IMPDH2: variants seen among roughly 807,000 people sequenced by gnomAD.
The protein encoded by IMPDH2 is inosine monophosphate dehydrogenase 2.
IMPDH2 carries 33 observed loss-of-function variants against 57.8 expected under a neutral mutation model. The ratio of observed to expected loss-of-function variants is 0.57; its 90% confidence interval spans 0.43 to 0.76. IMPDH2 has a LOEUF of 0.76. Among genes scored for constraint, IMPDH2 ranks in the 30% least tolerant of loss-of-function variants. The pLI is 0.00. For synonymous variants in IMPDH2, 270 were observed against 241.3 expected, an observed-to-expected ratio of 1.12 and a Z score of -1.10; for missense variants, 446 against 659.1, an observed-to-expected ratio of 0.68 and a Z score of 3.54.
At position 49,027,920 on chromosome 3, in the gene IMPDH2, G is replaced by A. The variant is rs765864530; in HGVS notation, c.325-4C>T. 6.2e-7 allele frequency: 1 copy of A among 1,607,508 alleles called. No individual in the cohort carries two copies. The highest frequency in any genetic ancestry group is 1.1e-5 in the South Asian group (1 of 90,818). ...TGATGAATCCCTGTTCATATTTCTG[G>A]AAAGGGATGGTGAGAAAGGGCATCG... On this transcript the variant is annotated splice_region_variant and splice_polypyrimidine_tract_variant and intron_variant, in intron 4 of 13. Coordinates refer to ENST00000326739, the MANE Select transcript of IMPDH2 (RefSeq NM_000884.3).
In IMPDH2 at chr3:49,026,844, A is replaced by T; in HGVS notation, c.662T>A (p.Ile221Asn). The change falls in exon 7 of 14, where the codon ATC (isoleucine) becomes AAC (asparagine). Residue 221 changes from isoleucine to asparagine, a missense_variant. Ile to Asn is a moderately radical substitution (Grantham distance 149). Transcript: ENST00000326739. ...IVNEDDELVA[I>N]IARTDLKKNR... ...CTTCTTCAGGTCTGTCCGGGCAATGATGGCCACAAGCTCATCATCTTCATT... is the reference window on the plus strand; with the variant it reads ...CTTCTTCAGGTCTGTCCGGGCAATGTTGGCCACAAGCTCATCATCTTCATT... 6.2e-7 allele frequency: 1 copy of T among 1,614,212 alleles called. No individual in the cohort carries two copies.
chr3:49,028,323 C>G lies in IMPDH2; in HGVS notation c.250-1G>C, dbSNP rs781479360. 1 of 1,613,752 alleles carries G rather than the reference C, an allele frequency of 6.2e-7. No homozygotes were observed. Among genetic ancestry groups the G allele is most frequent in the Non-Finnish European group, 8.5e-7 (1 of 1,179,648 alleles). On this transcript the variant is annotated splice_acceptor_variant, in intron 3 of 13. Coordinates refer to ENST00000326739, the MANE Select transcript of IMPDH2 (RefSeq NM_000884.3). LOFTEE classifies it high-confidence loss of function. ...GGATGAAGCCAATACCGCCTGTAAG[C>G]TACAGGATAAAAAGAGACTACTACT...
intron 1 of IMPDH2, 57 bp from the exon 2 acceptor site, chr3:49,028,863 C>A: frequency 1.5e-6 from 2 of 1,370,860 alleles, no homozygotes; most frequent in South Asian, 2.3e-5. Flanking sequence ...CAGCATGAGA[C>A]TCCATCCCCA....
chr3:49,027,829 C>T lies in IMPDH2; in HGVS notation c.412G>A (p.Gly138Ser). ...TCTGTGATTGGGATACCGCAGAAACCATGCCGGGCCTTGGCCTCAAAAACA... is the reference window on the plus strand; with the variant it reads ...TCTGTGATTGGGATACCGCAGAAACTATGCCGGGCCTTGGCCTCAAAAACA... Reference protein sequence around the residue: ...RDVFEAKARHGFCGIPITDTG... With the variant: ...RDVFEAKARHSFCGIPITDTG... Residue 138 changes from glycine to serine, a missense_variant, in exon 5 of 14, where the codon GGT becomes AGT. Physicochemically the swap from Gly to Ser is moderately conservative, Grantham distance 56. Coordinates refer to ENST00000326739, the MANE Select transcript of IMPDH2 (RefSeq NM_000884.3). The T allele has an allele frequency of 2.5e-6, 4 of 1,614,236 alleles. No individual in the cohort carries two copies. Among genetic ancestry groups the T allele is most frequent in the Non-Finnish European group, 3.4e-6 (4 of 1,180,050 alleles).
Position 49,024,769 on chromosome 3 carries a change from C to G in IMPDH2, c.1329G>C (p.Val443=), listed in dbSNP as rs375762755. The G allele has an allele frequency of 6.2e-7, 1 of 1,614,106 alleles. No individual in the cohort carries two copies. The highest frequency in any genetic ancestry group is 1.3e-5 in the African/African-American group (1 of 74,922). Residue 443 remains valine (V), a synonymous_variant, in exon 12 of 14, where the codon GTG becomes GTC. Coordinates refer to ENST00000326739, the MANE Select transcript of IMPDH2 (RefSeq NM_000884.3). ...ACCCTTTGTCCTGCACAGCACCAGA[C>G]ACTCCCTGGGCCACTTTGATTTTGT... ...EADKIKVAQG[V]SGAVQDKGSI... is the part of the protein sequence containing the mutation.
At chr3:49,028,190 C>T in intron 4 of IMPDH2, 58 bp downstream of exon 4, 2 of 1,402,244 alleles carry the variant, frequency 1.4e-6, no homozygotes, top group South Asian at 2.3e-5. Flanking sequence ...TACTCCCACC[C>T]CACCCCACCT....
At chr3:49,028,347 CTAAGTG>C (rs1559917382) in intron 3 of IMPDH2, 25 bp from the exon 4 acceptor site, 1 of 1,611,994 alleles carries the variant, frequency 6.2e-7, no homozygotes, top group East Asian at 2.2e-5. Context: ...GAGACTACTA[CTAAGTG>C]ACAAGAAGCA....
intron 2 of IMPDH2, 60 bp from the exon 3 acceptor site, chr3:49,028,592 G>A: frequency 1.4e-6 from 2 of 1,448,360 alleles, no homozygotes; most frequent in Admixed American, 3.4e-5. Flanking sequence ...AGGTGTTACT[G>A]AGTCCCCCAC....
intron 2 of IMPDH2, 93 bp from the exon 3 acceptor site, chr3:49,028,625 T>C: frequency 3.1e-6 from 4 of 1,303,224 alleles, no homozygotes; most frequent in Non-Finnish European, 3.3e-6. Context: ...TTGTATGACC[T>C]GCATGCTAAC....
chr3:49,028,362 CA>C, intron 3 of IMPDH2, 40 bp from the exon 4 acceptor site: 1 of 1,608,978 alleles, frequency 6.2e-7, no homozygotes, highest in Admixed American at 1.7e-5. Context: ...TGACAAGAAG[CA>C]GGACTGAATG....
chr3:49,027,628 CAG>C, intron 5 of IMPDH2, 80 bp downstream of exon 5: 1 of 1,162,662 alleles, frequency 8.6e-7, no homozygotes, highest in African/African-American at 1.5e-5. Flanking sequence ...AAGAGGCTAT[CAG>C]AGATGTCTTA....
chr3:49,024,573 A>G lies in IMPDH2; in HGVS notation c.1445T>C (p.Met482Thr). Residue 482 changes from methionine to threonine, a missense_variant, in exon 13 of 14, where the codon ATG becomes ACG. Met to Thr is a moderately conservative substitution (Grantham distance 81, BLOSUM62 -1). Transcript: ENST00000326739. ...GAKSLTQVRA[M>T]MYSGELKFEK... ...AAACTTAAGCTCCCCAGAGTACATC[A>G]TGGCTCTGAAGAAGGGCAGAGGTCA... 1 of 1,614,130 alleles carries G rather than the reference A, an allele frequency of 6.2e-7. No individual in the cohort carries two copies. The highest frequency in any genetic ancestry group is 2.2e-5 in the East Asian group (1 of 44,878).
At position 49,024,340 on chromosome 3, in the gene IMPDH2, C is replaced by CTT; in HGVS notation, c.*41_*42dup. The CTT allele has an allele frequency of 6.2e-7, 1 of 1,610,576 alleles. No homozygotes were observed. The highest frequency in any genetic ancestry group is 8.5e-7 in the Non-Finnish European group (1 of 1,177,434). On this transcript the variant is annotated 3_prime_UTR_variant, in exon 14 of 14. Coordinates refer to ENST00000326739, the MANE Select transcript of IMPDH2 (RefSeq NM_000884.3). ...CAGGCATCACTTTTTTCTTTCTAAA[C>CTT]TTTTATTGAAAAAAAAACCGAGGAG... is the stretch of plus-strand genomic sequence containing the variant.
At position 49,027,803 on chromosome 3, in the gene IMPDH2, G is replaced by A. The variant is rs757852081; in HGVS notation, c.438C>T (p.Asp146=). 4.3e-6 allele frequency: 7 copies of A among 1,614,172 alleles called. No individual in the cohort carries two copies. Among genetic ancestry groups the A allele is most frequent in the East Asian group, 2.2e-5 (1 of 44,888 alleles). ...RHGFCGIPIT[D]TGRMGSRLVG... ...CCAAGCGGCTCCCCATCCGGCCTGT[G>A]TCTGTGATTGGGATACCGCAGAAAC... Residue 146 remains aspartate (D), a synonymous_variant, in exon 5 of 14, where the codon GAC becomes GAT. Coordinates refer to ENST00000326739, the MANE Select transcript of IMPDH2 (RefSeq NM_000884.3).
chr3:49,028,089 T>A, intron 4 of IMPDH2, 159 bp downstream of exon 4: 2 of 781,956 alleles, frequency 2.6e-6, no homozygotes, highest in Non-Finnish European at 4.3e-6. Context: ...ACCTGGTCTA[T>A]TGCTGCTGCT....
At chr3:49,027,584 C>T in intron 5 of IMPDH2, 126 bp downstream of exon 5, 1 of 793,834 alleles carries the variant, frequency 1.3e-6, no homozygotes, top group Non-Finnish European at 2.1e-6. Context: ...ATAAAGGAGT[C>T]AGAAACTTGG....
chr3:49,024,450 G>A, intron 13 of IMPDH2, 45 bp downstream of exon 13: 1 of 1,614,182 alleles, frequency 6.2e-7, no homozygotes. Context: ...GGAGAAAGGA[G>A]GCATGAGGTA....
chr3:49,027,134 A>C, intron 5 of IMPDH2, 87 bp from the exon 6 acceptor site: 1 of 1,023,340 alleles, frequency 9.8e-7, no homozygotes, highest in Non-Finnish European at 1.5e-6. Context: ...AGCTGAGCTC[A>C]GAGGCACGCG....
Position 49,026,797 on chromosome 3 carries a change from A to AGGCT in IMPDH2, c.705_708dup (p.Lys238LeufsTer18), listed in dbSNP as rs750473709. 3.7e-6 allele frequency: 6 copies of AGGCT among 1,614,202 alleles called. No individual in the cohort carries two copies. Among genetic ancestry groups the AGGCT allele is most frequent in the Non-Finnish European group, 5.1e-6 (6 of 1,180,034 alleles). ...AGCAGCTGTTTCTTGGCATCTTTGG[A>AGGCT]GGCTAGTGGGTAGTCCCGATTCTTC... On this transcript the variant is annotated frameshift_variant, in exon 7 of 14. Coordinates refer to ENST00000326739, the MANE Select transcript of IMPDH2 (RefSeq NM_000884.3). LOFTEE classifies it high-confidence loss of function.
Sources: allele counts gnomAD v4.1 joint callset, GRCh38; gene constraint gnomAD v4.1.1; transcripts MANE v1.5; gene names NCBI Gene and HGNC (gene_info 2026-07-23, HGNC 2026-07-21).